The following ANXA1 variants were observed in gnomAD, a reference collection of about 807,000 sequenced individuals.
The protein encoded by ANXA1 is annexin A1.
Under a neutral mutation model 47.9 loss-of-function variants are expected in ANXA1, and 39 were observed. The ratio of observed to expected loss-of-function variants is 0.81; its 90% CI spans 0.63 to 1.06. The LOEUF (loss-of-function observed/expected upper bound fraction) is 1.06, where lower values mean the gene tolerates loss of function less well. Ranked by LOEUF, ANXA1 falls within the 50% of genes least tolerant of loss-of-function variation. The pLI, the probability that ANXA1 is intolerant of heterozygous loss-of-function variation, is 0.00. For missense variants in ANXA1, 446 were observed against 422.7 expected (o/e 1.06, Z -0.48); for synonymous variants, 146 against 142.5 (o/e 1.02, Z -0.17).
intron 1 of ANXA1, 99 bp from the exon 2 acceptor site, chr9:73,158,423 A>G: frequency 1.2e-6 from 1 of 866,532 alleles, no homozygotes; most frequent in African/African-American, 1.7e-5. Flanking sequence ...GCGCAAGGCT[A>G]CTCTCTAATG....
At chr9:73,158,218 A>G in intron 1 of ANXA1, 1 of 300,380 alleles carries the variant, frequency 3.3e-6, no homozygotes, top group South Asian at 3.7e-5. Flanking sequence ...AGTGAACCAC[A>G]AACTCCTCTC....
Position 73,154,975 on chromosome 9 carries a change from C to G in ANXA1, c.-15+3051C>G, listed in dbSNP as rs147512147. On this transcript the variant is annotated intron_variant, in intron 1 of 12. Coordinates refer to ENST00000257497, the MANE Select transcript of ANXA1 (RefSeq NM_000700.3). ...AATCAACCACAAAACTCAGCTTCCT[C>G]TGTCACAAATTCTAGATAGAGGTAG... Among the ~76,000 whole-genome samples the G allele has an allele frequency of 1.3e-4, 20 of 152,256 alleles. No homozygotes were observed. The East Asian group carries it at 3.9e-3, about 29-fold the overall frequency.
intron 10 of ANXA1, among the ~76,000 whole-genome samples, chr9:73,166,506 A>G (rs1824231928): frequency 6.6e-6 from 1 of 152,148 alleles, no homozygotes; most frequent in Non-Finnish European, 1.5e-5. Flanking sequence ...AGAGCATGGG[A>G]TCTGGAATAA....
At chr9:73,153,897 G>T (rs1824007297) in intron 1 of ANXA1, among the ~76,000 whole-genome samples, 1 of 152,154 alleles carries the variant, frequency 6.6e-6, no homozygotes, top group Non-Finnish European at 1.5e-5. Flanking sequence ...ATACAGAAAG[G>T]TGGGGCTGGT....
chr9:73,168,908 T>TGTGTGTGG lies in ANXA1; in HGVS notation c.862-120_862-119insGTGGGTGT. ...GTGTGTGTGTGTGTGTGTGTGTGTG[T>TGTGTGTGG]GTGTATAGCTAGTTTCTCTATAGAA... On this transcript the variant is annotated intron_variant, in intron 11 of 12. Transcript: ENST00000257497. 5 of 731,644 alleles carry TGTGTGTGG rather than the reference T, an allele frequency of 6.8e-6. No individual in the cohort carries two copies. The East Asian group carries it at 1.3e-4, about 19-fold the overall frequency. The allele number at this position is 731,644 out of a possible 1,614,324, so 45.3% of individuals were successfully genotyped here.
intron 8 of ANXA1, 82 bp from the exon 9 acceptor site, chr9:73,165,034 T>A: frequency 1.7e-6 from 2 of 1,143,826 alleles, no homozygotes; most frequent in Admixed American, 3.9e-5. Flanking sequence ...ATTGCCTATA[T>A]AATCTTTGAC....
At chr9:73,169,541 T>A (rs1343863366) in intron 12 of ANXA1, among the ~76,000 whole-genome samples, 1 of 152,116 alleles carries the variant, frequency 6.6e-6, no homozygotes, top group Non-Finnish European at 1.5e-5. Flanking sequence ...ATGTTTAAAA[T>A]TTATGTTCAA....
Position 73,162,987 on chromosome 9 carries a change from C to A in ANXA1, c.555+126C>A, listed in dbSNP as rs1824168767. 15 of 762,984 alleles carry A rather than the reference C, an allele frequency of 2.0e-5. No individual in the cohort carries two copies. The East Asian group carries it at 3.8e-4, about 19-fold the overall frequency. 47.3% of individuals were successfully genotyped at this position (762,984 alleles called of 1,614,324 possible). On this transcript the variant is annotated intron_variant, in intron 7 of 12. Coordinates refer to ENST00000257497, the MANE Select transcript of ANXA1 (RefSeq NM_000700.3). ...TTTAAAGATAAAAAGGTTTATTTGGCTCAGGATTCTGATGGCTAACAAATT... is the reference window on the plus strand; with the variant it reads ...TTTAAAGATAAAAAGGTTTATTTGGATCAGGATTCTGATGGCTAACAAATT...
intron 6 of ANXA1, among the ~76,000 whole-genome samples, chr9:73,161,516 G>T (rs1337728034): frequency 6.6e-6 from 1 of 152,058 alleles, no homozygotes; most frequent in Non-Finnish European, 1.5e-5. Flanking sequence ...GAGGGTAATT[G>T]CAAGTCTCTT....
chr9:73,164,295 A>G (rs1824191322), intron 8 of ANXA1, among the ~76,000 whole-genome samples: 1 of 152,154 alleles, frequency 6.6e-6, no homozygotes, highest in Non-Finnish European at 1.5e-5. Flanking sequence ...TGTTCAACAA[A>G]TGCATACATA....
chr9:73,154,410 CTTTCTTTTCTTTTTTCT>C (rs1040011973), intron 1 of ANXA1: 12 of 1,250,890 alleles, frequency 9.6e-6, no homozygotes, highest in African/African-American at 6.2e-5. Flanking sequence ...CCTCCCTTCT[CTTTCTTTTCTTTTTTCT>C]TTTCTTTTCT....
At chr9:73,159,830 T>C in intron 4 of ANXA1, 1 of 158,294 alleles carries the variant, frequency 6.3e-6, no homozygotes, top group Middle Eastern at 3.1e-3. Context: ...AGTAGTTTTC[T>C]AAAGCAATGA....
intron 8 of ANXA1, among the ~76,000 whole-genome samples, chr9:73,164,594 A>T (rs1373238863): frequency 6.6e-6 from 1 of 152,110 alleles, no homozygotes; most frequent in African/African-American, 2.4e-5. Flanking sequence ...ACAATAGGGC[A>T]GGGATTATAT....
At chr9:73,158,484 A>T in intron 1 of ANXA1, 38 bp from the exon 2 acceptor site, 3 of 1,515,360 alleles carry the variant, frequency 2.0e-6, no homozygotes, top group Non-Finnish European at 2.7e-6. Flanking sequence ...TGTGTGGTGC[A>T]TTTGTTTTGT....
rs529396218 is a variant in ANXA1 at position 73,160,003 on chromosome 9, CCT to C, written c.271-259_271-258del. 13 of 258,276 alleles carry C rather than the reference CCT, an allele frequency of 5.0e-5. No individual in the cohort carries two copies. In the South Asian group the frequency reaches 9.6e-4, roughly 19 times the overall value. 16.0% of individuals were successfully genotyped at this position (258,276 alleles called of 1,614,324 possible). ...GTGTTTTGATCTTTGTGATTTCTCC[CCT>C]GTGTATAAGATTACTAACCCTATGC... On this transcript the variant is annotated intron_variant, in intron 4 of 12. Coordinates refer to ENST00000257497, the MANE Select transcript of ANXA1 (RefSeq NM_000700.3).
chr9:73,154,689 T>G (rs1824021421), intron 1 of ANXA1, among the ~76,000 whole-genome samples: 1 of 152,196 alleles, frequency 6.6e-6, no homozygotes, highest in African/African-American at 2.4e-5. Context: ...TCTGCCCACC[T>G]TGGCCTCCTA....
At chr9:73,152,912 T>C (rs1369196256) in intron 1 of ANXA1, among the ~76,000 whole-genome samples, 1 of 152,234 alleles carries the variant, frequency 6.6e-6, no homozygotes, top group Non-Finnish European at 1.5e-5. Flanking sequence ...TTATGTTCAC[T>C]GCTAGCTAAT....
rs764832044 is a variant in ANXA1 at position 73,165,212 on chromosome 9, A to G, written c.706+3A>G. 20 of 1,610,702 alleles carry G rather than the reference A, an allele frequency of 1.2e-5. No individual in the cohort carries two copies. Among genetic ancestry groups the G allele is most frequent in the South Asian group, 8.8e-5 (8 of 90,882 alleles). On this transcript the variant is annotated splice_donor_region_variant and intron_variant, in intron 9 of 12. Transcript: ENST00000257497. ...AAGCTATCCACAACTTCGCAGAGGTAACAATAAATTTCTTTTTCTGGAATC... is the reference window on the plus strand; with the variant it reads ...AAGCTATCCACAACTTCGCAGAGGTGACAATAAATTTCTTTTTCTGGAATC...
Position 73,167,494 on chromosome 9 carries a change from C to A in ANXA1, c.803-3C>A, listed in dbSNP as rs765559979. ...CATCAACTAAAATTTTCTTCTCTAACAGTGAAGTGCGCCACAAGCAAACCA... is the reference window on the plus strand; with the variant it reads ...CATCAACTAAAATTTTCTTCTCTAAAAGTGAAGTGCGCCACAAGCAAACCA... On this transcript the variant is annotated splice_region_variant and splice_polypyrimidine_tract_variant and intron_variant, in intron 10 of 12. Transcript: ENST00000257497. 1 of 1,612,622 alleles carries A rather than the reference C, an allele frequency of 6.2e-7. No individual in the cohort carries two copies. The highest frequency in any genetic ancestry group is 1.1e-5 in the South Asian group (1 of 90,884).
Sources: gnomAD v4.1 joint callset for allele counts (sites outside exome capture counted in the v4.1 genomes callset) on GRCh38, gnomAD v4.1.1 for gene constraint, MANE v1.5 for transcripts, NCBI Gene and HGNC (gene_info 2026-07-23, HGNC 2026-07-21) for gene names.